NUDT3: variants seen among roughly 807,000 people sequenced by gnomAD.
The protein encoded by NUDT3 is nudix hydrolase 3, also known as diphosphoinositol polyphosphate phosphohydrolase 1.
A neutral mutation model predicts 23.6 loss-of-function variants in NUDT3; 9 were observed. The ratio of observed to expected loss-of-function variants is 0.38; its 90% CI spans 0.23 to 0.66. The LOEUF (loss-of-function observed/expected upper bound fraction) is 0.66. NUDT3 is among the 30% of genes least tolerant of loss of function. NUDT3 has a pLI of 0.52. For synonymous variants in NUDT3, 86 were observed against 82.6 expected, an observed-to-expected ratio of 1.04 and a Z score of -0.22; for missense variants, 172 against 218.5, an observed-to-expected ratio of 0.79 and a Z score of 1.34.
At chr6:34,319,865 G>C (rs1381819420) in intron 2 of NUDT3, among the ~76,000 whole-genome samples, 2 of 152,198 alleles carry the variant, frequency 1.3e-5, no homozygotes, top group African/African-American at 2.4e-5. Flanking sequence ...GAGGGCAGGA[G>C]AAAGTCAGAG....
At chr6:34,341,771 T>C in intron 2 of NUDT3, 91 bp downstream of exon 2, 1 of 1,102,434 alleles carries the variant, frequency 9.1e-7, no homozygotes, top group East Asian at 2.5e-5. Flanking sequence ...TGTATATTTA[T>C]TCAGTGAGTG....
intron 2 of NUDT3, among the ~76,000 whole-genome samples, chr6:34,301,439 T>C (rs1415929582): frequency 6.6e-6 from 1 of 152,210 alleles, no homozygotes; most frequent in African/African-American, 2.4e-5. Flanking sequence ...TGTAGAAGAA[T>C]GGTTTACCAG....
rs541837952 is a variant in NUDT3 at position 34,377,145 on chromosome 6, C to T, written c.99+15119G>A. ...TCTAACTGCTCCATGTACTTTATGTCCCACTTTTTAAATTTTTGTCTGATC... is the reference window on the plus strand; with the variant it reads ...TCTAACTGCTCCATGTACTTTATGTTCCACTTTTTAAATTTTTGTCTGATC... On this transcript the variant is annotated intron_variant, in intron 1 of 4. Transcript: ENST00000607016. Among the ~76,000 whole-genome samples, 131 of 152,218 alleles carry T rather than the reference C, an allele frequency of 8.6e-4. No individual in the cohort carries two copies. The East Asian group carries it at 0.011, about 12-fold the overall frequency.
At chr6:34,300,366 T>C (rs1343691381) in intron 2 of NUDT3, among the ~76,000 whole-genome samples, 1 of 152,222 alleles carries the variant, frequency 6.6e-6, no homozygotes, top group Non-Finnish European at 1.5e-5. Context: ...CTTCCCTTGC[T>C]GCTACCAGGG....
intron 2 of NUDT3, among the ~76,000 whole-genome samples, chr6:34,332,693 A>G (rs1414215571): frequency 6.6e-6 from 1 of 152,238 alleles, no homozygotes; most frequent in African/African-American, 2.4e-5. Context: ...GCCACTTTAT[A>G]TAAGGCGCTT....
chr6:34,293,937 A>C (rs1482329670), intron 3 of NUDT3, among the ~76,000 whole-genome samples: 1 of 152,090 alleles, frequency 6.6e-6, no homozygotes, highest in Non-Finnish European at 1.5e-5. Context: ...TGACACACAC[A>C]CACACCCACC....
chr6:34,365,383 C>T (rs541695075), intron 1 of NUDT3, among the ~76,000 whole-genome samples: 30 of 151,998 alleles, frequency 2.0e-4, no homozygotes, highest in African/African-American at 6.5e-4. Flanking sequence ...GAACCAAGAT[C>T]GCGCCACTGC....
intron 1 of NUDT3, among the ~76,000 whole-genome samples, chr6:34,390,002 T>C (rs1765170474): frequency 6.8e-6 from 1 of 148,034 alleles, no homozygotes. Context: ...CCAAGCATTA[T>C]GGCAGGTGCC....
At chr6:34,329,233 T>C (rs1255589180) in intron 2 of NUDT3, among the ~76,000 whole-genome samples, 3 of 152,178 alleles carry the variant, frequency 2.0e-5, no homozygotes, top group Non-Finnish European at 4.4e-5. Flanking sequence ...AAAATACATA[T>C]ATACATAGAT....
intron 1 of NUDT3, among the ~76,000 whole-genome samples, chr6:34,365,658 T>C (rs1176280003): frequency 6.6e-6 from 1 of 152,184 alleles, no homozygotes; most frequent in Non-Finnish European, 1.5e-5. Flanking sequence ...CATGTCTGTA[T>C]TCCCAGCTAT....
At chr6:34,297,760 A>ATATATATATATTTTTTT (rs1763535832) in intron 2 of NUDT3, among the ~76,000 whole-genome samples, 3 of 53,652 alleles carry the variant, frequency 5.6e-5, no homozygotes, top group Non-Finnish European at 9.2e-5. Context: ...TATATATATA[A>ATATATATATATTTTTTT]TTTTTTTTTT....
intron 2 of NUDT3, among the ~76,000 whole-genome samples, chr6:34,307,290 A>C (rs1763696951): frequency 6.6e-6 from 1 of 152,186 alleles, no homozygotes; most frequent in Admixed American, 6.5e-5. Flanking sequence ...ACTTTAAAAA[A>C]AGTTGAGGCC....
At chr6:34,357,626 C>CAA (rs34996824) in intron 1 of NUDT3, among the ~76,000 whole-genome samples, 212 of 122,742 alleles carry the variant, frequency 1.7e-3, no homozygotes, top group East Asian at 4.7e-3. Context: ...CTGCACCCTG[C>CAA]AAAAAAAAAA....
chr6:34,293,555 G>T lies in NUDT3; in HGVS notation c.256-20C>A. The T allele has an allele frequency of 6.2e-7, 1 of 1,613,824 alleles. No homozygotes were observed. The highest frequency in any genetic ancestry group is 8.5e-7 in the Non-Finnish European group (1 of 1,179,800). On this transcript the variant is annotated intron_variant, in intron 3 of 4. Coordinates refer to ENST00000607016, the MANE Select transcript of NUDT3 (RefSeq NM_006703.4). ...CTGGTTCTGAAGGGCAAAGAGAGAAGGATAGAGAGAGTTTTTCCTTAGAAA... is the reference window on the plus strand; with the variant it reads ...CTGGTTCTGAAGGGCAAAGAGAGAATGATAGAGAGAGTTTTTCCTTAGAAA...
At chr6:34,352,060 A>G (rs1450318517) in intron 1 of NUDT3, among the ~76,000 whole-genome samples, 1 of 152,226 alleles carries the variant, frequency 6.6e-6, no homozygotes, top group South Asian at 2.1e-4. Flanking sequence ...AAAAAAACTT[A>G]TAATTGGCCA....
intron 2 of NUDT3, among the ~76,000 whole-genome samples, chr6:34,306,083 C>T (rs1034140452): frequency 1.3e-5 from 2 of 152,164 alleles, no homozygotes; most frequent in Non-Finnish European, 2.9e-5. Context: ...TGCCACTTTT[C>T]AATCACTTTC....
intron 1 of NUDT3, among the ~76,000 whole-genome samples, chr6:34,357,529 G>A (rs1417455856): frequency 4.6e-5 from 7 of 151,346 alleles, no homozygotes; most frequent in East Asian, 2.0e-4. Flanking sequence ...TGGGAGGAGC[G>A]CCTGAGCCTG....
intron 2 of NUDT3, among the ~76,000 whole-genome samples, chr6:34,318,107 T>C (rs1377878397): frequency 6.6e-6 from 1 of 152,188 alleles, no homozygotes; most frequent in East Asian, 1.9e-4. Context: ...TTTCATTTCC[T>C]TGTACCCAAG....
chr6:34,293,174 T>C lies in NUDT3; in HGVS notation c.340+277A>G, dbSNP rs1428006359. On this transcript the variant is annotated intron_variant, in intron 4 of 4. Transcript: ENST00000607016. The stretch of plus-strand genomic sequence containing the variant: ...AACTCCCAAGCACAAATGATCTTCC[T>C]GCTTCAGCCTCCTGAGAAGCTGCGA... Among the ~76,000 whole-genome samples the C allele has an allele frequency of 2.0e-5, 3 of 152,228 alleles. No homozygotes were observed. In the East Asian group the frequency reaches 5.8e-4, roughly 29 times the overall value.
Sources: allele counts gnomAD v4.1 joint callset (sites outside exome capture counted in the v4.1 genomes callset), GRCh38; gene constraint gnomAD v4.1.1; transcripts MANE v1.5; gene names NCBI Gene and HGNC (gene_info 2026-07-23, HGNC 2026-07-21).